CCDC88C: variants seen among roughly 807,000 people sequenced by gnomAD.
The protein encoded by CCDC88C is protein Daple.
A neutral mutation model predicts 198.8 loss-of-function variants in CCDC88C; 131 were observed. The ratio of observed to expected loss-of-function variants is 0.66; its 90% confidence interval spans 0.57 to 0.76. CCDC88C has a LOEUF of 0.76. CCDC88C is among the 30% of genes least tolerant of loss of function. CCDC88C has a pLI of 0.00. For missense variants in CCDC88C, 2,553 were observed against 2,631.6 expected, an observed-to-expected ratio of 0.97 and a Z score of 0.65; for synonymous variants, 1,166 against 1,114.7, an observed-to-expected ratio of 1.05 and a Z score of -0.92.
At chr14:91,295,760 A>G (rs1341550607) in intron 22 of CCDC88C, among the ~76,000 whole-genome samples, 2 of 152,164 alleles carry the variant, frequency 1.3e-5, no homozygotes, top group African/African-American at 2.4e-5. Flanking sequence ...CCACAGGGTG[A>G]ACCATGTCCC....
chr14:91,272,754 G>C lies in CCDC88C; in HGVS notation c.5958C>G (p.Pro1986=). ...GLPAKSPGRS[P]DLAPHLGRAL... is the part of the protein sequence containing the mutation. ...CCCGGCCGAGGTGGGGAGCCAAATC[G>C]GGAGACCGACCTGGGCTCTTGGCCG... is the stretch of plus-strand genomic sequence containing the variant. The change falls in exon 30 of 30, where the codon CCC becomes CCG. Residue 1986 remains proline, a synonymous_variant. Transcript: ENST00000389857. 6.2e-7 allele frequency: 1 copy of C among 1,608,854 alleles called. No individual in the cohort carries two copies. Among genetic ancestry groups the C allele is most frequent in the Non-Finnish European group, 8.5e-7 (1 of 1,179,108 alleles).
At chr14:91,337,852 T>C (rs1365138035) in intron 10 of CCDC88C, among the ~76,000 whole-genome samples, 153 bp downstream of exon 10, 1 of 152,176 alleles carries the variant, frequency 6.6e-6, no homozygotes, top group African/African-American at 2.4e-5. Context: ...ACGGGGGCCC[T>C]GGGAAGCCCA....
chr14:91,333,558 CAGGACACGGA>C (rs1892919916), intron 10 of CCDC88C, among the ~76,000 whole-genome samples: 1 of 152,250 alleles, frequency 6.6e-6, no homozygotes, highest in South Asian at 2.1e-4. Context: ...TGTGCACACA[CAGGACACGGA>C]AGGACACGGC....
intron 4 of CCDC88C, among the ~76,000 whole-genome samples, chr14:91,356,378 GC>G (rs2139897217): frequency 6.6e-6 from 1 of 152,164 alleles, no homozygotes; most frequent in East Asian, 1.9e-4. Context: ...AGTCAGCGAG[GC>G]CCGGGGCCCT....
intron 12 of CCDC88C, among the ~76,000 whole-genome samples, chr14:91,322,792 T>C (rs1451012657): frequency 1.3e-5 from 2 of 152,192 alleles, no homozygotes; most frequent in African/African-American, 4.8e-5. Flanking sequence ...ATTTTTAAGG[T>C]TCTGTGAGTT....
At chr14:91,315,563 A>T in intron 14 of CCDC88C, 87 bp downstream of exon 14, 1 of 1,450,168 alleles carries the variant, frequency 6.9e-7, no homozygotes, top group Non-Finnish European at 9.5e-7. Flanking sequence ...ATGCATCCAC[A>T]ATACAGTACC....
chr14:91,294,404 A>T lies in CCDC88C; in HGVS notation c.3967-86T>A. On this transcript the variant is annotated intron_variant, in intron 22 of 29. Transcript: ENST00000389857. Reference sequence around the variant, plus strand: ...ACCTAGCTCCCAAAGGAAGAAGGCCACTGCACAAAGATGTTCAACGCAGCA... The same window carrying T: ...ACCTAGCTCCCAAAGGAAGAAGGCCTCTGCACAAAGATGTTCAACGCAGCA... 2.0e-6 allele frequency: 3 copies of T among 1,478,410 alleles called. No homozygotes were observed. In the African/African-American group the frequency reaches 4.2e-5, roughly 21 times the overall value. The allele number at this position is 1,478,410 out of a possible 1,614,324, so 91.6% of individuals were successfully genotyped here. A position where few individuals can be genotyped will look rare whatever the true frequency, so the allele number is the denominator to read the frequency against.
At chr14:91,355,845 A>G (rs535142956) in intron 4 of CCDC88C, among the ~76,000 whole-genome samples, 1 of 152,228 alleles carries the variant, frequency 6.6e-6, no homozygotes, top group Non-Finnish European at 1.5e-5. Context: ...GTCTTTTAGT[A>G]TCATTGTGTT....
At chr14:91,406,913 C>T (rs1023619274) in intron 3 of CCDC88C, among the ~76,000 whole-genome samples, 5 of 152,218 alleles carry the variant, frequency 3.3e-5, no homozygotes, top group African/African-American at 4.8e-5. Context: ...CCCTCCAGGC[C>T]TCTCCCTGAC....
Position 91,288,192 on chromosome 14 carries a change from G to GT in CCDC88C, c.4441+912dup, listed in dbSNP as rs1890499650. Reference sequence around the variant, plus strand: ...GTTTGATTGCCTCGTGGTATATAAAGTAACTGTGCAGCTTTCATGGCTCCT... The same window carrying GT: ...GTTTGATTGCCTCGTGGTATATAAAGTTAACTGTGCAGCTTTCATGGCTCCT... On this transcript the variant is annotated intron_variant, in intron 25 of 29. Transcript: ENST00000389857. This position sits in a 1 kb window ranked among gnomAD's most constrained non-coding sequence, Gnocchi z 4.2. 6.6e-6 allele frequency among the ~76,000 whole-genome samples: 1 copy of GT among 152,214 alleles called. No individual in the cohort carries two copies. Among genetic ancestry groups the GT allele is most frequent in the Non-Finnish European group, 1.5e-5 (1 of 68,036 alleles).
chr14:91,412,927 C>T lies in CCDC88C; in HGVS notation c.161+3811G>A, dbSNP rs764442943. On this transcript the variant is annotated intron_variant, in intron 2 of 29. Transcript: ENST00000389857. ...TACATCTGCAAAAGGGAAACATAAA[C>T]TCTCCTTCAAGTGCACTGGGGTAAA... 4.6e-5 allele frequency among the ~76,000 whole-genome samples: 7 copies of T among 152,230 alleles called. No homozygotes were observed. The South Asian group carries it at 1.0e-3, about 23-fold the overall frequency.
intron 3 of CCDC88C, among the ~76,000 whole-genome samples, chr14:91,373,720 A>G (rs1276714723): frequency 6.6e-6 from 1 of 152,214 alleles, no homozygotes; most frequent in Non-Finnish European, 1.5e-5. Flanking sequence ...TTCAGAAGTG[A>G]CAAGTTTCTA....
rs1467425512 is a variant in CCDC88C, at chr14:91,371,019, A to G, written c.271-11308T>C. On this transcript the variant is annotated intron_variant, in intron 3 of 29. Coordinates refer to ENST00000389857, the MANE Select transcript of CCDC88C (RefSeq NM_001080414.4). The surrounding 1 kb of genome is among the most constrained non-coding windows in gnomAD (Gnocchi z 4.2). ...TGCCCTGAGGTGTGTGTTTGGGGTG[A>G]GGCAGAAGGACTTCAAGGATTAGGC... is the stretch of plus-strand genomic sequence containing the variant. 5.9e-5 allele frequency among the ~76,000 whole-genome samples: 9 copies of G among 152,134 alleles called. No homozygotes were observed. The highest frequency in any genetic ancestry group is 1.2e-4 in the Non-Finnish European group (8 of 68,024).
intron 3 of CCDC88C, among the ~76,000 whole-genome samples, chr14:91,360,401 C>T (rs1894258534): frequency 6.6e-6 from 1 of 152,074 alleles, no homozygotes; most frequent in South Asian, 2.1e-4. Context: ...TGAGTTATCA[C>T]ACCACTGCAC....
intron 18 of CCDC88C, 96 bp from the exon 19 acceptor site, chr14:91,306,022 T>A: frequency 1.5e-6 from 2 of 1,317,144 alleles, no homozygotes; most frequent in Non-Finnish European, 2.1e-6. Context: ...CAAAAGTTGA[T>A]GTTTTGGGGG....
chr14:91,325,339 G>GAC lies in CCDC88C; in HGVS notation c.1198-418_1198-417dup, dbSNP rs145802849. Among the ~76,000 whole-genome samples the GAC allele has an allele frequency of 1.3e-5, 2 of 151,850 alleles. No individual in the cohort carries two copies. Among genetic ancestry groups the GAC allele is most frequent in the Non-Finnish European group, 2.9e-5 (2 of 67,960 alleles). ...ACACTGGCAAAGACCCTTCTTCCAA[G>GAC]ACACACACACACACTCATTCCTACA... On this transcript the variant is annotated intron_variant, in intron 11 of 29. Coordinates refer to ENST00000389857, the MANE Select transcript of CCDC88C (RefSeq NM_001080414.4). The surrounding 1 kb of genome is among the most constrained non-coding windows in gnomAD (Gnocchi z 4.1).
Position 91,417,705 on chromosome 14 carries a change from CG to C in CCDC88C, c.-16del. 6.6e-7 allele frequency: 1 copy of C among 1,505,168 alleles called. No homozygotes were observed. 93.2% of individuals were successfully genotyped at this position (1,505,168 alleles called of 1,614,324 possible). ...GTCACGTCCATGCTGAGGCTGCGCC[CG>C]CCGGCTCCGCGCCCCCCGCCCCGCG... On this transcript the variant is annotated 5_prime_UTR_variant, in exon 1 of 30. Transcript: ENST00000389857.
At chr14:91,310,449 G>C (rs1490167042) in intron 15 of CCDC88C, among the ~76,000 whole-genome samples, 1 of 152,076 alleles carries the variant, frequency 6.6e-6, no homozygotes, top group Admixed American at 6.6e-5. Flanking sequence ...GTCTTGCTTG[G>C]TTGCCTAGGC....
chr14:91,296,124 G>A (rs976981724), intron 22 of CCDC88C, among the ~76,000 whole-genome samples: 1 of 152,120 alleles, frequency 6.6e-6, no homozygotes, highest in Non-Finnish European at 1.5e-5. Flanking sequence ...CCAGGGAGAC[G>A]AACATGGTTT....
Sources: allele counts gnomAD v4.1 joint callset (sites outside exome capture counted in the v4.1 genomes callset), GRCh38; gene constraint gnomAD v4.1.1; non-coding constraint Gnocchi (gnomAD v3.1); transcripts MANE v1.5; gene names NCBI Gene and HGNC (gene_info 2026-07-23, HGNC 2026-07-21).